WDR59: variants seen among roughly 807,000 people sequenced by gnomAD.
The protein encoded by WDR59 is GATOR2 complex protein WDR59.
Under a neutral mutation model 131.2 loss-of-function variants are expected in WDR59, and 100 were observed. The ratio of observed to expected loss-of-function variants is 0.76; its 90% confidence interval spans 0.65 to 0.90. The LOEUF (loss-of-function observed/expected upper bound fraction) is 0.90. WDR59 is among the 40% of genes least tolerant of loss of function. The pLI, the probability that WDR59 is intolerant of heterozygous loss-of-function variation, is 0.00. For missense variants in WDR59, 1,203 were observed against 1,262.2 expected, an observed-to-expected ratio of 0.95 and a Z score of 0.71; for synonymous variants, 601 against 466.2, an observed-to-expected ratio of 1.29 and a Z score of -3.72.
In WDR59 at chr16:74,882,345, T is replaced by C. The variant is rs534133114; in HGVS notation, c.2689+3308A>G. Among the ~76,000 whole-genome samples the C allele has an allele frequency of 4.6e-5, 7 of 152,352 alleles. No individual in the cohort carries two copies. The South Asian group carries it at 1.5e-3, about 32-fold the overall frequency. ...TTGCCCAAATAGCATTTTGTGCCTT[T>C]ACATTTCTTCAAGTACGTATACCAA... is the stretch of plus-strand genomic sequence containing the variant. On this transcript the variant is annotated intron_variant, in intron 25 of 25. Transcript: ENST00000262144.
intron 8 of WDR59, among the ~76,000 whole-genome samples, chr16:74,935,526 A>T (rs1378028369): frequency 1.3e-5 from 2 of 151,992 alleles, no homozygotes; most frequent in Non-Finnish European, 2.9e-5. Flanking sequence ...GCTCCAGCTG[A>T]CCCCTTAGAA....
At chr16:74,942,641 C>T in intron 7 of WDR59, 97 bp downstream of exon 7, 1 of 1,217,376 alleles carries the variant, frequency 8.2e-7, no homozygotes, top group Non-Finnish European at 1.2e-6. Context: ...ACAGGGTTCC[C>T]CAGACTCTCA....
chr16:74,951,114 C>A (rs143434358), intron 4 of WDR59, among the ~76,000 whole-genome samples: 7,410 of 145,906 alleles, frequency 0.051, 266 homozygotes, highest in East Asian at 0.18. Context: ...GAGCCAAGAT[C>A]GCACCATTGC....
At chr16:74,965,478 T>C (rs1384352512) in intron 2 of WDR59, among the ~76,000 whole-genome samples, 10 of 152,180 alleles carry the variant, frequency 6.6e-5, no homozygotes, top group African/African-American at 1.9e-4. Flanking sequence ...ATTTCATCCT[T>C]CAGGTATGTA....
intron 4 of WDR59, among the ~76,000 whole-genome samples, chr16:74,950,672 G>T (rs1272709702): frequency 3.3e-5 from 5 of 151,728 alleles, no homozygotes; most frequent in African/African-American, 7.3e-5. Flanking sequence ...AGGAAAACTC[G>T]AAACCAACTG....
chr16:74,976,145 G>C (rs1280947657), intron 1 of WDR59, among the ~76,000 whole-genome samples: 1 of 152,158 alleles, frequency 6.6e-6, no homozygotes, highest in Non-Finnish European at 1.5e-5. Context: ...AGGAACCGAA[G>C]CTGGATTGCT....
intron 25 of WDR59, among the ~76,000 whole-genome samples, chr16:74,877,237 AACACACACAC>A (rs149888165): frequency 6.6e-6 from 1 of 151,468 alleles, no homozygotes; most frequent in African/African-American, 2.4e-5. Flanking sequence ...TATATCTCAA[AACACACACAC>A]ACACACAAAC....
chr16:74,882,479 T>A (rs1482078513), intron 25 of WDR59, among the ~76,000 whole-genome samples: 1 of 152,140 alleles, frequency 6.6e-6, no homozygotes, highest in Non-Finnish European at 1.5e-5. Flanking sequence ...ACACCTGTAA[T>A]CCCAGCACTC....
In WDR59 at chr16:74,978,010, C is replaced by G. The variant is rs545354006; in HGVS notation, c.54+6954G>C. On this transcript the variant is annotated intron_variant, in intron 1 of 25. Transcript: ENST00000262144. Reference sequence around the variant, plus strand: ...GCTGTGTGAGGCCAGGAGTTCAAGACCAGCCTGGGCATCAACAGCCAGATT... The same window carrying G: ...GCTGTGTGAGGCCAGGAGTTCAAGAGCAGCCTGGGCATCAACAGCCAGATT... Among the ~76,000 whole-genome samples the G allele has an allele frequency of 5.3e-5, 8 of 152,180 alleles. No homozygotes were observed. The South Asian group carries it at 1.7e-3, about 32-fold the overall frequency.
At chr16:74,899,694 G>A (rs1291082259) in intron 18 of WDR59, 4 of 1,288,988 alleles carry the variant, frequency 3.1e-6, no homozygotes, top group Non-Finnish European at 4.0e-6. Context: ...ACAGCGCACA[G>A]TACCGGGAAG....
intron 13 of WDR59, among the ~76,000 whole-genome samples, chr16:74,914,736 G>A (rs907655057): frequency 6.6e-6 from 1 of 151,954 alleles, no homozygotes; most frequent in African/African-American, 2.4e-5. Context: ...CGGGACTACA[G>A]GCGCACGCCA....
At chr16:74,950,672 G>A (rs1272709702) in intron 4 of WDR59, among the ~76,000 whole-genome samples, 1 of 151,728 alleles carries the variant, frequency 6.6e-6, no homozygotes, top group Non-Finnish European at 1.5e-5. Context: ...AGGAAAACTC[G>A]AAACCAACTG....
chr16:74,926,516 T>C (rs889220737), intron 8 of WDR59, among the ~76,000 whole-genome samples: 4 of 152,172 alleles, frequency 2.6e-5, no homozygotes, highest in Non-Finnish European at 4.4e-5. Flanking sequence ...AGAAACCAGT[T>C]TTGATAATGG....
intron 25 of WDR59, 46 bp from the exon 26 acceptor site, chr16:74,874,490 A>G (rs988351956): frequency 5.1e-6 from 8 of 1,572,076 alleles, no homozygotes; most frequent in Non-Finnish European, 7.0e-6. Flanking sequence ...GCATGAGTTT[A>G]GTTCTGAAAA....
chr16:74,916,858 C>A (rs118130523), intron 11 of WDR59, among the ~76,000 whole-genome samples: 133 of 139,578 alleles, frequency 9.5e-4, no homozygotes, highest in Middle Eastern at 3.7e-3. Flanking sequence ...GACTCCATCT[C>A]AAAAAAAAAA....
intron 1 of WDR59, among the ~76,000 whole-genome samples, chr16:74,968,143 C>T (rs546778826): frequency 1.3e-5 from 2 of 152,104 alleles, no homozygotes; most frequent in South Asian, 2.1e-4. Flanking sequence ...GTAGAGAATG[C>T]GGAGTTACTG....
chr16:74,890,849 C>A (rs1965006866), intron 20 of WDR59, among the ~76,000 whole-genome samples: 1 of 152,108 alleles, frequency 6.6e-6, no homozygotes, highest in Admixed American at 6.5e-5. Flanking sequence ...GGCCCTGTGG[C>A]TCACGCCTGT....
intron 8 of WDR59, 78 bp from the exon 9 acceptor site, chr16:74,924,081 C>A: frequency 1.4e-6 from 2 of 1,387,094 alleles, no homozygotes; most frequent in South Asian, 1.2e-5. Flanking sequence ...AGCCTTTGAA[C>A]TCATTGCTTC....
At position 74,965,829 on chromosome 16, in the gene WDR59, G is replaced by C; in HGVS notation, c.55-7C>G. 3.7e-6 allele frequency: 6 copies of C among 1,614,106 alleles called. No homozygotes were observed. Among genetic ancestry groups the C allele is most frequent in the South Asian group, 1.1e-5 (1 of 91,088 alleles). ...CCACAGACATCGCAGTTGCCTGAGA[G>C]AGAGAACACAGAGTCAGTGCTGCCA... On this transcript the variant is annotated splice_region_variant and splice_polypyrimidine_tract_variant and intron_variant, in intron 1 of 25. Coordinates refer to ENST00000262144, the MANE Select transcript of WDR59 (RefSeq NM_030581.4).
Sources: gnomAD v4.1 joint callset for allele counts (sites outside exome capture counted in the v4.1 genomes callset) on GRCh38, gnomAD v4.1.1 for gene constraint, MANE v1.5 for transcripts, NCBI Gene and HGNC (gene_info 2026-07-23, HGNC 2026-07-21) for gene names.